Variants in ALK observed in about 807,000 individuals in gnomAD.
ALK encodes ALK tyrosine kinase receptor.
ALK carries 74 observed loss-of-function variants against 163.1 expected under a neutral mutation model. The ratio of observed to expected loss-of-function variants is 0.45; its 90% CI spans 0.38 to 0.55. ALK has a LOEUF of 0.55. ALK is among the 20% of genes least tolerant of loss of function. The pLI, the probability that ALK is intolerant of heterozygous loss-of-function variation, is 0.00. For synonymous variants in ALK, 960 were observed against 843.2 expected (o/e 1.14, Z -2.40); for missense variants, 2,063 against 2,105.3 (o/e 0.98, Z 0.39).
At chr2:29,379,080 G>C (rs1001990781) in intron 5 of ALK, among the ~76,000 whole-genome samples, 109 of 152,112 alleles carry the variant, frequency 7.2e-4, no homozygotes, top group Non-Finnish European at 3.1e-4. Context: ...GTTGCTGTAG[G>C]CACCTCTGAA....
At chr2:29,575,264 A>G (rs1320753217) in intron 3 of ALK, among the ~76,000 whole-genome samples, 2 of 152,232 alleles carry the variant, frequency 1.3e-5, no homozygotes, top group Non-Finnish European at 2.9e-5. Flanking sequence ...AAAACTGCCA[A>G]AAATAATACA....
chr2:29,296,608 T>C (rs1295070448), intron 9 of ALK, among the ~76,000 whole-genome samples: 1 of 152,210 alleles, frequency 6.6e-6, no homozygotes, highest in Non-Finnish European at 1.5e-5. Context: ...TTATTTTTCC[T>C]CCAGACACTG....
chr2:29,852,837 T>TG (rs1666036135), intron 1 of ALK, among the ~76,000 whole-genome samples: 1 of 70,222 alleles, frequency 1.4e-5, no homozygotes, highest in South Asian at 3.9e-4. Context: ...GAGCTTTCTC[T>TG]CTCTCTCTCT....
At chr2:29,492,448 G>A (rs1335950032) in intron 4 of ALK, among the ~76,000 whole-genome samples, 1 of 152,190 alleles carries the variant, frequency 6.6e-6, no homozygotes, top group Non-Finnish European at 1.5e-5. Context: ...TAAAAAGAGT[G>A]AGAGAAAGTC....
At chr2:29,427,196 C>T (rs1177902892) in intron 4 of ALK, among the ~76,000 whole-genome samples, 4 of 151,670 alleles carry the variant, frequency 2.6e-5, no homozygotes, top group African/African-American at 9.7e-5. Context: ...AAGGAAAGCA[C>T]ACCTGATAGT....
At chr2:29,885,591 G>A (rs1666967394) in intron 1 of ALK, among the ~76,000 whole-genome samples, 1 of 150,306 alleles carries the variant, frequency 6.7e-6, no homozygotes, top group Non-Finnish European at 1.5e-5. Flanking sequence ...GAGAATGAAT[G>A]CTTTCAAGAT....
intron 3 of ALK, among the ~76,000 whole-genome samples, chr2:29,663,729 A>T (rs1677422674): frequency 6.6e-6 from 1 of 152,152 alleles, no homozygotes; most frequent in African/African-American, 2.4e-5. Flanking sequence ...ACAAAATCTA[A>T]CTGTGGGTAT....
At chr2:29,460,576 C>G (rs1416015466) in intron 4 of ALK, among the ~76,000 whole-genome samples, 3 of 152,064 alleles carry the variant, frequency 2.0e-5, no homozygotes, top group African/African-American at 4.8e-5. Flanking sequence ...ATATCTGTTC[C>G]AGTGATCTGG....
intron 1 of ALK, among the ~76,000 whole-genome samples, chr2:29,738,834 G>T (rs956261669): frequency 6.6e-5 from 10 of 152,062 alleles, no homozygotes; most frequent in African/African-American, 2.4e-4. Context: ...TGAAACCATA[G>T]TCAGAACACA....
chr2:29,823,960 T>C (rs1481252865), intron 1 of ALK, among the ~76,000 whole-genome samples: 1 of 152,172 alleles, frequency 6.6e-6, no homozygotes, highest in Non-Finnish European at 1.5e-5. Context: ...CCTCCCCCCA[T>C]CACAGGCCCA....
At chr2:29,444,314 G>A (rs1670617556) in intron 4 of ALK, among the ~76,000 whole-genome samples, 1 of 152,172 alleles carries the variant, frequency 6.6e-6, no homozygotes, top group Non-Finnish European at 1.5e-5. Context: ...TGCAGGGCAG[G>A]CAGGTGGCCA....
intron 14 of ALK, among the ~76,000 whole-genome samples, chr2:29,232,952 T>C (rs1238832286): frequency 6.6e-6 from 1 of 152,170 alleles, no homozygotes; most frequent in Non-Finnish European, 1.5e-5. Context: ...GCTGTGATGA[T>C]GTCAGCAAAG....
At chr2:29,864,396 T>C (rs1188552506) in intron 1 of ALK, among the ~76,000 whole-genome samples, 1 of 152,248 alleles carries the variant, frequency 6.6e-6, no homozygotes, top group African/African-American at 2.4e-5. Flanking sequence ...CCTTCCTAAG[T>C]AGGCCCTTTC....
intron 5 of ALK, among the ~76,000 whole-genome samples, chr2:29,379,723 G>A (rs935500684): frequency 6.6e-6 from 1 of 152,330 alleles, no homozygotes; most frequent in African/African-American, 2.4e-5. Flanking sequence ...TAATATTGAG[G>A]AGATTTATCT....
chr2:29,375,014 G>A (rs1228414078), intron 5 of ALK, among the ~76,000 whole-genome samples: 1 of 152,130 alleles, frequency 6.6e-6, no homozygotes, highest in Non-Finnish European at 1.5e-5. Flanking sequence ...CCCCAGGTTG[G>A]CAGTGTGTGG....
chr2:29,875,659 A>G (rs1443716206), intron 1 of ALK, among the ~76,000 whole-genome samples: 1 of 151,946 alleles, frequency 6.6e-6, no homozygotes, highest in Non-Finnish European at 1.5e-5. Flanking sequence ...TTCAATTCCC[A>G]CTTATGAGTG....
chr2:29,570,769 G>C (rs1028514528), intron 3 of ALK, among the ~76,000 whole-genome samples: 1 of 152,190 alleles, frequency 6.6e-6, no homozygotes, highest in Non-Finnish European at 1.5e-5. Flanking sequence ...CCCTGGCAGA[G>C]GGCTTCCTTG....
chr2:29,567,439 C>T (rs1488762677), intron 3 of ALK, among the ~76,000 whole-genome samples: 1 of 152,208 alleles, frequency 6.6e-6, no homozygotes, highest in African/African-American at 2.4e-5. Context: ...CATCCCCAGA[C>T]CTGTCCTGTG....
chr2:29,502,793 G>A lies in ALK; in HGVS notation c.1154+29122C>T, dbSNP rs535662888. Among the ~76,000 whole-genome samples, 6 of 152,272 alleles carry A rather than the reference G, an allele frequency of 3.9e-5. No individual in the cohort carries two copies. The South Asian group carries it at 1.2e-3, about 32-fold the overall frequency. ...ATCTCTTTACACAGATGGATGGGCT[G>A]GGTGCTGTGTGTACTGCTGACAGTT... is the stretch of plus-strand genomic sequence containing the variant. On this transcript the variant is annotated intron_variant, in intron 4 of 28. Coordinates refer to ENST00000389048, the MANE Select transcript of ALK (RefSeq NM_004304.5).
Sources: gnomAD v4.1 joint callset for allele counts (sites outside exome capture counted in the v4.1 genomes callset) on GRCh38, gnomAD v4.1.1 for gene constraint, MANE v1.5 for transcripts, NCBI Gene and HGNC (gene_info 2026-07-23, HGNC 2026-07-21) for gene names.